The following HS3ST4 variants were observed in gnomAD, a reference collection of about 807,000 sequenced individuals.
The protein encoded by HS3ST4 is heparan sulfate glucosamine 3-O-sulfotransferase 4.
A neutral mutation model predicts 29.2 loss-of-function variants in HS3ST4; 17 were observed. The ratio of observed to expected loss-of-function variants is 0.58; its 90% CI spans 0.40 to 0.87. The LOEUF (loss-of-function observed/expected upper bound fraction) is 0.87. Ranked by LOEUF, HS3ST4 falls within the 40% of genes least tolerant of loss-of-function variation. HS3ST4 has a pLI of 0.00. For synonymous variants in HS3ST4, 314 were observed against 285.7 expected, an observed-to-expected ratio of 1.10 and a Z score of -1.00; for missense variants, 627 against 634.5, an observed-to-expected ratio of 0.99 and a Z score of 0.13.
At chr16:25,923,840 G>A (rs939466491) in intron 1 of HS3ST4, among the ~76,000 whole-genome samples, 1 of 152,092 alleles carries the variant, frequency 6.6e-6, no homozygotes, top group Admixed American at 6.6e-5. Flanking sequence ...GAGCATTCTT[G>A]GTGAGCTGTA....
At chr16:25,879,581 C>T (rs967680267) in intron 1 of HS3ST4, among the ~76,000 whole-genome samples, 6 of 151,864 alleles carry the variant, frequency 4.0e-5, no homozygotes, top group African/African-American at 1.2e-4. Context: ...ATGATTCAGT[C>T]ATCTCACACT....
At chr16:25,826,606 G>A (rs1967218223) in intron 1 of HS3ST4, among the ~76,000 whole-genome samples, 1 of 152,106 alleles carries the variant, frequency 6.6e-6, no homozygotes. Flanking sequence ...CACCTAGCAA[G>A]GGAAATGAAC....
intron 1 of HS3ST4, among the ~76,000 whole-genome samples, chr16:25,784,528 T>A (rs1966855638): frequency 6.6e-6 from 1 of 152,186 alleles, no homozygotes; most frequent in South Asian, 2.1e-4. Flanking sequence ...ATTGCTGATA[T>A]GGGGGAAGTT....
At chr16:25,705,903 A>T (rs1394315703) in intron 1 of HS3ST4, among the ~76,000 whole-genome samples, 6 of 152,166 alleles carry the variant, frequency 3.9e-5, no homozygotes, top group African/African-American at 1.4e-4. Flanking sequence ...CTTAGTCTAC[A>T]TATGTTAGTT....
At chr16:25,822,544 A>C (rs551233398) in intron 1 of HS3ST4, among the ~76,000 whole-genome samples, 1 of 152,124 alleles carries the variant, frequency 6.6e-6, no homozygotes, top group Non-Finnish European at 1.5e-5. Flanking sequence ...CCCAGTTGTG[A>C]CAACCAGAAA....
At chr16:26,028,072 A>G (rs1227436657) in intron 1 of HS3ST4, among the ~76,000 whole-genome samples, 3 of 152,142 alleles carry the variant, frequency 2.0e-5, no homozygotes, top group Non-Finnish European at 4.4e-5. Flanking sequence ...CAGGAGTTCG[A>G]GACCAGCCTG....
intron 1 of HS3ST4, among the ~76,000 whole-genome samples, chr16:25,996,222 A>G (rs900769463): frequency 6.6e-6 from 1 of 152,146 alleles, no homozygotes; most frequent in African/African-American, 2.4e-5. Flanking sequence ...TCTTAGACTC[A>G]AAGAAGTATC....
intron 1 of HS3ST4, among the ~76,000 whole-genome samples, chr16:25,784,692 A>G (rs1428820769): frequency 6.6e-6 from 1 of 152,232 alleles, no homozygotes; most frequent in Non-Finnish European, 1.5e-5. Context: ...GGGTTGGTTC[A>G]TGAGGTTTAA....
At chr16:25,925,435 C>T (rs374541795) in intron 1 of HS3ST4, among the ~76,000 whole-genome samples, 1 of 152,156 alleles carries the variant, frequency 6.6e-6, no homozygotes, top group African/African-American at 2.4e-5. Flanking sequence ...TTGATTTTTC[C>T]CCAGCTCACT....
chr16:25,758,068 C>T (rs1279533154), intron 1 of HS3ST4, among the ~76,000 whole-genome samples: 1 of 152,116 alleles, frequency 6.6e-6, no homozygotes, highest in African/African-American at 2.4e-5. Context: ...TAGAAAGATT[C>T]CTCCTGCACC....
intron 1 of HS3ST4, among the ~76,000 whole-genome samples, chr16:25,934,190 C>T (rs541984488): frequency 4.4e-4 from 67 of 152,282 alleles, no homozygotes; most frequent in Middle Eastern, 3.4e-3. Context: ...TACTGGCAAA[C>T]GTTAGTGCAT....
intron 1 of HS3ST4, among the ~76,000 whole-genome samples, chr16:25,821,057 A>ATTTTT (rs1259738012): frequency 1.1e-4 from 15 of 135,052 alleles, no homozygotes; most frequent in Admixed American, 3.0e-4. Context: ...GCGCCTTTGA[A>ATTTTT]TTTTTTTTTT....
intron 1 of HS3ST4, among the ~76,000 whole-genome samples, chr16:26,103,482 C>G (rs563352942): frequency 7.6e-4 from 116 of 152,250 alleles, no homozygotes; most frequent in African/African-American, 2.7e-3. Flanking sequence ...GTGTGGTAAA[C>G]TCCCCACTGG....
chr16:25,813,529 G>A (rs757408725), intron 1 of HS3ST4, among the ~76,000 whole-genome samples: 2 of 152,258 alleles, frequency 1.3e-5, no homozygotes, highest in East Asian at 1.9e-4. Flanking sequence ...CCTGGGAGGC[G>A]GAGGTTGTGG....
At chr16:25,737,812 C>T (rs911912073) in intron 1 of HS3ST4, among the ~76,000 whole-genome samples, 4 of 152,034 alleles carry the variant, frequency 2.6e-5, no homozygotes, top group African/African-American at 9.7e-5. Flanking sequence ...CTTCTCCCAT[C>T]TTTGCTAATA....
intron 1 of HS3ST4, among the ~76,000 whole-genome samples, chr16:25,878,343 T>C (rs537351121): frequency 2.0e-5 from 3 of 152,176 alleles, no homozygotes; most frequent in Non-Finnish European, 4.4e-5. Flanking sequence ...CATTCCCAGA[T>C]TCTTTAACCA....
chr16:25,890,643 T>C (rs1967998766), intron 1 of HS3ST4, among the ~76,000 whole-genome samples: 1 of 152,198 alleles, frequency 6.6e-6, no homozygotes, highest in Non-Finnish European at 1.5e-5. Context: ...TATCTTATCT[T>C]CAGTCTTCCC....
At chr16:25,925,419 G>C (rs1266872230) in intron 1 of HS3ST4, among the ~76,000 whole-genome samples, 1 of 151,990 alleles carries the variant, frequency 6.6e-6, no homozygotes, top group Non-Finnish European at 1.5e-5. Context: ...AAGCTTCCTG[G>C]GCACCTTGAT....
At position 25,693,120 on chromosome 16, in the gene HS3ST4, A is replaced by G. The variant is rs758633456; in HGVS notation, c.703A>G (p.Arg235Gly). 1.9e-6 allele frequency: 3 copies of G among 1,608,652 alleles called. No homozygotes were observed. Among genetic ancestry groups the G allele is most frequent in the Non-Finnish European group, 1.7e-6 (2 of 1,177,820 alleles). Residue 235 changes from arginine to glycine, a missense_variant, in exon 1 of 2, where the codon AGG becomes GGG. By Grantham distance (125) the Arg-to-Gly change is moderately radical. Around this residue, in one of 2 missense-constraint regions of HS3ST4, gnomAD observed 225 missense variants for 293.7 expected, o/e 0.77. Transcript: ENST00000331351. ...AVGVEPHFFD[R>G]NYEKGLEWYR... ...GGGCGTAGAGCCGCACTTCTTCGAC[A>G]GGAACTACGAAAAGGGGTTGGAGTG...
Sources: allele counts gnomAD v4.1 joint callset (sites outside exome capture counted in the v4.1 genomes callset), GRCh38; gene constraint gnomAD v4.1.1; regional missense constraint gnomAD v4.1.1; transcripts MANE v1.5; gene names NCBI Gene and HGNC (gene_info 2026-07-23, HGNC 2026-07-21).